The following NETO1 variants were observed in gnomAD, a reference collection of about 807,000 sequenced individuals.
NETO1 encodes the protein neuropilin and tolloid-like protein 1.
Under a neutral mutation model 61.3 loss-of-function variants are expected in NETO1, and 26 were observed. The observed-to-expected ratio is 0.42, with a 90% confidence interval of 0.31 to 0.59. The LOEUF (loss-of-function observed/expected upper bound fraction) is 0.59. Ranked by LOEUF, NETO1 falls within the 20% of genes least tolerant of loss-of-function variation. The probability of loss-of-function intolerance (pLI) is 0.12; values close to 1 mark genes in which losing one functional copy is unlikely to be tolerated. For synonymous variants in NETO1, 225 were observed against 225.8 expected (o/e 1.00, Z 0.03); for missense variants, 531 against 662.8 (o/e 0.80, Z 2.18).
chr18:72,863,014 T>A (rs1203202926), intron 3 of NETO1, among the ~76,000 whole-genome samples: 1 of 152,222 alleles, frequency 6.6e-6, no homozygotes, highest in African/African-American at 2.4e-5. Flanking sequence ...ACTTGGACTT[T>A]TGGAATTGTT....
chr18:72,834,163 A>T, intron 4 of NETO1: 1 of 678,610 alleles, frequency 1.5e-6, no homozygotes, highest in Non-Finnish European at 1.8e-6. Context: ...TTTAAAAAAC[A>T]TTTTAATATT....
intron 4 of NETO1, among the ~76,000 whole-genome samples, chr18:72,815,961 A>T (rs12968713): frequency 0.72 from 109,133 of 152,086 alleles, 42,050 homozygotes; most frequent in Non-Finnish European, 0.86. Context: ...AAATGTCAAA[A>T]GTCTTCTCTT....
chr18:72,865,727 T>G, intron 1 of NETO1: 1 of 1,506,546 alleles, frequency 6.6e-7, no homozygotes. Flanking sequence ...CTTAGACAAA[T>G]CCTACAGACT....
At chr18:72,789,197 T>C (rs1290697040) in intron 6 of NETO1, among the ~76,000 whole-genome samples, 1 of 140,590 alleles carries the variant, frequency 7.1e-6, no homozygotes, top group Admixed American at 7.6e-5. Context: ...CTTTATAAAA[T>C]ATTAACACAC....
chr18:72,794,780 T>C (rs993017569), intron 4 of NETO1, among the ~76,000 whole-genome samples: 10 of 152,182 alleles, frequency 6.6e-5, no homozygotes, highest in African/African-American at 1.2e-4. Context: ...TTGTAAAAAG[T>C]ATCAATAGGT....
rs76732357 is a variant in NETO1 at position 72,772,475 on chromosome 18, G to A, written c.868+11203C>T. On this transcript the variant is annotated intron_variant, in intron 7 of 10. Transcript: ENST00000327305. ...GGGGGTACAGTTTCTCTCCGTGTAT[G>A]GGTTCATGAAACTAGAGACAAGCTG... Among the ~76,000 whole-genome samples the A allele has an allele frequency of 4.8e-3, 736 of 151,992 alleles. 30 individuals carry two copies. The East Asian group carries it at 0.081, about 17-fold the overall frequency.
At chr18:72,783,947 T>C in intron 6 of NETO1, 41 bp from the exon 7 acceptor site, 1 of 1,370,586 alleles carries the variant, frequency 7.3e-7, no homozygotes, top group Admixed American at 1.7e-5. Flanking sequence ...TATCAAAATA[T>C]GAATGTACAT....
intron 6 of NETO1, among the ~76,000 whole-genome samples, chr18:72,784,484 C>A (rs1270612851): frequency 6.6e-6 from 1 of 152,114 alleles, no homozygotes; most frequent in African/African-American, 2.4e-5. Context: ...TATAGACAAG[C>A]CATTTAGCTA....
intron 4 of NETO1, among the ~76,000 whole-genome samples, chr18:72,796,484 T>G (rs2072315044): frequency 6.6e-6 from 1 of 152,216 alleles, no homozygotes; most frequent in Non-Finnish European, 1.5e-5. Flanking sequence ...AATAGATTTT[T>G]TTTGTTTGTT....
At chr18:72,762,321 C>A (rs12373203) in intron 7 of NETO1, among the ~76,000 whole-genome samples, 48,254 of 151,834 alleles carry the variant, frequency 0.32, 8,093 homozygotes, top group Admixed American at 0.43. Context: ...CCACCACGCC[C>A]GGCTAAACTG....
chr18:72,838,717 A>G (rs775504072), intron 4 of NETO1, among the ~76,000 whole-genome samples: 15 of 152,208 alleles, frequency 9.9e-5, no homozygotes, highest in Non-Finnish European at 2.1e-4. Flanking sequence ...CCTAGCCAGG[A>G]TAAAAATGCT....
At chr18:72,820,956 A>G (rs1049914305) in intron 4 of NETO1, among the ~76,000 whole-genome samples, 5 of 152,120 alleles carry the variant, frequency 3.3e-5, no homozygotes, top group African/African-American at 1.2e-4. Flanking sequence ...CTCTAGGTAG[A>G]TAGATAGATA....
At chr18:72,810,192 A>G (rs10514055) in intron 4 of NETO1, among the ~76,000 whole-genome samples, 18,464 of 152,138 alleles carry the variant, frequency 0.12, 1,298 homozygotes, top group Middle Eastern at 0.23. Flanking sequence ...AAATATTCAA[A>G]TCTTCCCATC....
chr18:72,831,362 A>T (rs1178947239), intron 4 of NETO1, among the ~76,000 whole-genome samples: 1 of 152,208 alleles, frequency 6.6e-6, no homozygotes, highest in African/African-American at 2.4e-5. Flanking sequence ...CAGATAAAAG[A>T]CACTGGGTTA....
chr18:72,825,318 T>C (rs899278816), intron 4 of NETO1, among the ~76,000 whole-genome samples: 3 of 152,216 alleles, frequency 2.0e-5, no homozygotes, highest in Non-Finnish European at 4.4e-5. Context: ...ATTTTGATAA[T>C]TGTTTTCCTA....
intron 4 of NETO1, among the ~76,000 whole-genome samples, chr18:72,804,383 A>T (rs2072608494): frequency 6.6e-6 from 1 of 152,226 alleles, no homozygotes; most frequent in South Asian, 2.1e-4. Context: ...ATGAAATTTC[A>T]CACTGCTAGC....
At chr18:72,857,349 T>G (rs1183526346) in intron 4 of NETO1, among the ~76,000 whole-genome samples, 1 of 152,200 alleles carries the variant, frequency 6.6e-6, no homozygotes, top group Non-Finnish European at 1.5e-5. Context: ...CAAAAAGGTT[T>G]TTTAAAACCT....
intron 7 of NETO1, among the ~76,000 whole-genome samples, chr18:72,770,032 C>T (rs1467885195): frequency 6.6e-6 from 1 of 151,928 alleles, no homozygotes; most frequent in Non-Finnish European, 1.5e-5. Flanking sequence ...ATAAGCAGTG[C>T]ATATGCTTTT....
Position 72,830,448 on chromosome 18 carries a change from G to A in NETO1, c.469+28378C>T, listed in dbSNP as rs1023994007. ...AGATCACCTTTGCTGGGCGGTGAAA[G>A]GGACCAGGGCATCTAAACAAGGAGT... On this transcript the variant is annotated intron_variant, in intron 4 of 10. Transcript: ENST00000327305. The surrounding 1 kb of genome is among the most constrained non-coding windows in gnomAD (Gnocchi z 4.9). 2.6e-5 allele frequency among the ~76,000 whole-genome samples: 4 copies of A among 152,160 alleles called. No homozygotes were observed. The highest frequency in any genetic ancestry group is 5.9e-5 in the Non-Finnish European group (4 of 68,026).
Sources: allele counts gnomAD v4.1 joint callset (sites outside exome capture counted in the v4.1 genomes callset), GRCh38; gene constraint gnomAD v4.1.1; non-coding constraint Gnocchi (gnomAD v3.1); transcripts MANE v1.5; gene names NCBI Gene and HGNC (gene_info 2026-07-23, HGNC 2026-07-21).